Variants in AFG1L observed in about 807,000 individuals in gnomAD.
AFG1L encodes the protein AFG1 like ATPase.
A neutral mutation model predicts 62.2 loss-of-function variants in AFG1L; 53 were observed. The ratio of observed to expected loss-of-function variants is 0.85; its 90% CI spans 0.68 to 1.07. The LOEUF (loss-of-function observed/expected upper bound fraction) is 1.07. AFG1L is among the 50% of genes least tolerant of loss of function. The pLI is 0.00. For synonymous variants in AFG1L, 228 were observed against 210.3 expected (o/e 1.08, Z -0.73); for missense variants, 555 against 590.5 (o/e 0.94, Z 0.62).
At chr6:108,420,138 T>C (rs1770521867) in intron 7 of AFG1L, among the ~76,000 whole-genome samples, 1 of 152,088 alleles carries the variant, frequency 6.6e-6, no homozygotes, top group Admixed American at 6.6e-5. Flanking sequence ...GTCACCTGAG[T>C]CAGCCTTGCA....
chr6:108,444,761 C>T (rs1408042555), intron 7 of AFG1L, among the ~76,000 whole-genome samples: 1 of 152,220 alleles, frequency 6.6e-6, no homozygotes, highest in Non-Finnish European at 1.5e-5. Flanking sequence ...AACAGATGTG[C>T]TGCCATCCAA....
intron 6 of AFG1L, among the ~76,000 whole-genome samples, chr6:108,399,815 G>T (rs960728585): frequency 4.1e-5 from 4 of 97,582 alleles, no homozygotes; most frequent in Non-Finnish European, 5.5e-5. Context: ...GTCTCATTCT[G>T]TTGCCCAGGC....
chr6:108,470,741 A>G (rs1439661484), intron 8 of AFG1L, among the ~76,000 whole-genome samples: 1 of 152,192 alleles, frequency 6.6e-6, no homozygotes, highest in Non-Finnish European at 1.5e-5. Flanking sequence ...TATGAGTTTC[A>G]TATTTCATAA....
chr6:108,473,895 T>C (rs1170576802), intron 8 of AFG1L, among the ~76,000 whole-genome samples: 2 of 152,150 alleles, frequency 1.3e-5, no homozygotes, highest in Non-Finnish European at 2.9e-5. Flanking sequence ...TATTTTAAGT[T>C]TGGGGATACA....
chr6:108,405,470 C>T (rs1166298226), intron 7 of AFG1L, among the ~76,000 whole-genome samples: 1 of 152,154 alleles, frequency 6.6e-6, no homozygotes, highest in East Asian at 1.9e-4. Context: ...CCCCAGCCTC[C>T]TGAGTAGCTG....
At chr6:108,367,165 C>G (rs1472163721) in intron 6 of AFG1L, among the ~76,000 whole-genome samples, 1 of 152,118 alleles carries the variant, frequency 6.6e-6, no homozygotes, top group Non-Finnish European at 1.5e-5. Context: ...ATTGTCTGTT[C>G]CCTTCCAGGA....
chr6:108,520,378 G>T (rs2114919799), intron 12 of AFG1L: 1 of 152,402 alleles, frequency 6.6e-6, no homozygotes, highest in East Asian at 1.9e-4. Flanking sequence ...ACACTCTGTA[G>T]GGAACAAACA....
intron 8 of AFG1L, among the ~76,000 whole-genome samples, chr6:108,468,689 G>A (rs2114795332): frequency 6.8e-6 from 1 of 146,174 alleles, no homozygotes; most frequent in African/African-American, 2.5e-5. Context: ...AACTCCTCCT[G>A]AACTTTGTGA....
chr6:108,372,242 TG>T (rs1780041037), intron 6 of AFG1L, among the ~76,000 whole-genome samples: 1 of 151,958 alleles, frequency 6.6e-6, no homozygotes, highest in Non-Finnish European at 1.5e-5. Context: ...TTTTATTTTT[TG>T]CTAGGAAAAG....
At chr6:108,442,127 C>A (rs936062092) in intron 7 of AFG1L, among the ~76,000 whole-genome samples, 2 of 151,226 alleles carry the variant, frequency 1.3e-5, no homozygotes, top group African/African-American at 4.9e-5. Context: ...CATAGTAGGG[C>A]AGGTTTTTCT....
At chr6:108,429,481 C>T (rs929061376) in intron 7 of AFG1L, among the ~76,000 whole-genome samples, 1 of 152,202 alleles carries the variant, frequency 6.6e-6, no homozygotes, top group African/African-American at 2.4e-5. Context: ...CCCACCAGGT[C>T]CTTTCCACAC....
chr6:108,450,033 A>G (rs1267747061), intron 8 of AFG1L, among the ~76,000 whole-genome samples: 9 of 152,096 alleles, frequency 5.9e-5, no homozygotes, highest in Non-Finnish European at 8.8e-5. Context: ...CCAAGTCTTT[A>G]CTATTGTGAA....
rs1407689748 is a variant in AFG1L, at chr6:108,485,650, ATATATATTTTTTTTTTTT to A, written c.1062+8360_1062+8377del. Among the ~76,000 whole-genome samples the A allele has an allele frequency of 1.4e-4, 3 of 21,848 alleles. No homozygotes were observed. In the East Asian group the frequency reaches 3.0e-3, roughly 22 times the overall value. 14.3% of individuals were successfully genotyped at this position (21,848 alleles called of 152,430 possible). A position where few individuals can be genotyped will look rare whatever the true frequency, so the allele number is the denominator to read the frequency against. On this transcript the variant is annotated intron_variant, in intron 10 of 12. Transcript: ENST00000368977. Reference sequence around the variant, plus strand: ...AATATATATATATATATATATATATATATATATTTTTTTTTTTTTTTTTTTTTTTTTTTTTTGAGAGAG... The same window carrying A: ...AATATATATATATATATATATATATATTTTTTTTTTTTTTTTTTGAGAGAG...
At chr6:108,380,195 A>T (rs1408059937) in intron 6 of AFG1L, among the ~76,000 whole-genome samples, 2 of 152,042 alleles carry the variant, frequency 1.3e-5, no homozygotes, top group African/African-American at 4.8e-5. Flanking sequence ...AGGCTGCTGA[A>T]CCCGGCAAAC....
chr6:108,449,966 G>C (rs1771984164), intron 8 of AFG1L, among the ~76,000 whole-genome samples: 1 of 152,212 alleles, frequency 6.6e-6, no homozygotes, highest in Non-Finnish European at 1.5e-5. Context: ...ATTCCATGGT[G>C]TACATGTGCC....
chr6:108,439,090 G>C (rs1380873313), intron 7 of AFG1L, among the ~76,000 whole-genome samples: 3 of 152,124 alleles, frequency 2.0e-5, no homozygotes, highest in African/African-American at 7.2e-5. Flanking sequence ...TTATTTTGTA[G>C]AGGAGAAAAC....
At chr6:108,298,477 G>A (rs1014673468) in intron 1 of AFG1L, among the ~76,000 whole-genome samples, 1 of 152,052 alleles carries the variant, frequency 6.6e-6, no homozygotes, top group Non-Finnish European at 1.5e-5. Context: ...TGTTGGTCAG[G>A]CTGGTCTTGA....
chr6:108,503,473 A>C (rs1774281115), intron 10 of AFG1L, among the ~76,000 whole-genome samples: 1 of 152,152 alleles, frequency 6.6e-6, no homozygotes, highest in Non-Finnish European at 1.5e-5. Flanking sequence ...TAATCTTTTG[A>C]AAGAAGTCTT....
Position 108,423,679 on chromosome 6 carries a change from A to G in AFG1L, c.807+21625A>G, listed in dbSNP as rs192495068. The stretch of plus-strand genomic sequence containing the variant: ...GACAGTGTCACCTCTAAATATATAC[A>G]CAAGCATATACAAGTAATAAGAACA... On this transcript the variant is annotated intron_variant, in intron 7 of 12. Coordinates refer to ENST00000368977, the MANE Select transcript of AFG1L (RefSeq NM_145315.5). Among the ~76,000 whole-genome samples the G allele has an allele frequency of 5.9e-5, 9 of 152,230 alleles. No individual in the cohort carries two copies. In the East Asian group the frequency reaches 1.5e-3, roughly 26 times the overall value.
Sources: gnomAD v4.1 joint callset for allele counts (sites outside exome capture counted in the v4.1 genomes callset) on GRCh38, gnomAD v4.1.1 for gene constraint, MANE v1.5 for transcripts, NCBI Gene and HGNC (gene_info 2026-07-23, HGNC 2026-07-21) for gene names.